AIRIM: variants seen among roughly 807,000 people sequenced by gnomAD.
AIRIM encodes AFG2 interacting ribosome maturation factor.
chr1:37,686,328 A>AG, the AIRIM span: 5 of 1,614,036 alleles, frequency 3.1e-6, no homozygotes, highest in Non-Finnish European at 4.2e-6. Flanking sequence ...TCAGCCACAG[A>AG]GGGGCTCACT....
the AIRIM span, chr1:37,681,932 A>G: frequency 6.6e-6 from 1 of 152,256 alleles, no homozygotes; most frequent in African/African-American, 2.4e-5. Context: ...TCTTTAAAAA[A>G]ATTTGTGAAT....
the AIRIM span, chr1:37,689,613 C>T: frequency 6.2e-7 from 1 of 1,604,086 alleles, no homozygotes; most frequent in Non-Finnish European, 8.5e-7. Flanking sequence ...TACAGCCTTT[C>T]CCCTAGCTTG....
the AIRIM span, chr1:37,686,597 GC>G: frequency 1.3e-6 from 1 of 763,782 alleles, no homozygotes; most frequent in Non-Finnish European, 2.1e-6. Flanking sequence ...GTAGGAGCAT[GC>G]CTGGCCCCTA....
chr1:37,689,538 C>T, the AIRIM span: 8 of 1,495,082 alleles, frequency 5.4e-6, no homozygotes, highest in Middle Eastern at 1.9e-4. Context: ...TGGACTGACA[C>T]TAGCTACATA....
At chr1:37,686,822 C>T in the AIRIM span, among the ~76,000 whole-genome samples, 2 of 152,082 alleles carry the variant, frequency 1.3e-5, no homozygotes, top group Admixed American at 6.5e-5. Flanking sequence ...GTAATCCCAG[C>T]TTTGGGAGGC....
the AIRIM span, chr1:37,683,103 T>A: frequency 1.2e-6 from 2 of 1,610,134 alleles, no homozygotes; most frequent in Non-Finnish European, 1.7e-6. Context: ...ACCCGTGGTC[T>A]CCAGATACGC....
the AIRIM span, chr1:37,690,266 T>C: frequency 7.7e-7 from 1 of 1,292,424 alleles, no homozygotes; most frequent in Non-Finnish European, 1.0e-6. Flanking sequence ...ATTACAGGCG[T>C]GAGCCACCGC....
At chr1:37,683,389 C>T in the AIRIM span, 3 of 1,614,048 alleles carry the variant, frequency 1.9e-6, no homozygotes, top group Non-Finnish European at 2.5e-6. Flanking sequence ...GTATGTTTGC[C>T]AAGTCTCCCC....
the AIRIM span, chr1:37,689,623 G>T: frequency 6.2e-7 from 1 of 1,610,228 alleles, no homozygotes; most frequent in African/African-American, 1.3e-5. Flanking sequence ...CCCCTAGCTT[G>T]TCCAGGACGA....
chr1:37,686,386 C>T, the AIRIM span: 1 of 1,614,188 alleles, frequency 6.2e-7, no homozygotes, highest in Non-Finnish European at 8.5e-7. Flanking sequence ...CTGCGTGTTG[C>T]TCATAGATCT....
At chr1:37,687,862 C>A in the AIRIM span, among the ~76,000 whole-genome samples, 2 of 152,042 alleles carry the variant, frequency 1.3e-5, no homozygotes, top group South Asian at 4.1e-4. Context: ...AGTGAGGCAC[C>A]GTACCTGGCC....
chr1:37,689,987 C>T, the AIRIM span: 2,976 of 1,445,142 alleles, frequency 2.1e-3, 36 homozygotes, highest in African/African-American at 0.032. Flanking sequence ...CGTGTTCAGA[C>T]AGGAGTTGTC....
chr1:37,687,769 T>C, the AIRIM span, among the ~76,000 whole-genome samples: 3 of 152,134 alleles, frequency 2.0e-5, no homozygotes, highest in Admixed American at 6.6e-5. Context: ...AAATATTAAG[T>C]AAAGCACTCA....
the AIRIM span, chr1:37,690,126 C>T: frequency 4.9e-6 from 6 of 1,227,598 alleles, no homozygotes; most frequent in South Asian, 9.0e-5. Context: ...AAGCAATTCT[C>T]CTGCCTCAGC....
chr1:37,681,822 G>C, the AIRIM span: 1 of 152,170 alleles, frequency 6.6e-6, no homozygotes, highest in Non-Finnish European at 1.5e-5. Flanking sequence ...GAATATAACT[G>C]TGTTGAGCTA....
the AIRIM span, chr1:37,683,544 C>T: frequency 7.5e-7 from 1 of 1,332,628 alleles, no homozygotes; most frequent in Non-Finnish European, 1.0e-6. Context: ...GTGCAGATAT[C>T]CTTACATTTT....
chr1:37,686,106 C>T, the AIRIM span, among the ~76,000 whole-genome samples: 2 of 152,034 alleles, frequency 1.3e-5, no homozygotes, highest in East Asian at 1.9e-4. Flanking sequence ...AGTAGCTACT[C>T]GATAAATTAT....
chr1:37,686,293 A>G, the AIRIM span: 1 of 1,613,730 alleles, frequency 6.2e-7, no homozygotes, highest in Non-Finnish European at 8.5e-7. Flanking sequence ...AATGTCTCTC[A>G]ATATCCTGCA....
the AIRIM span, chr1:37,686,395 C>G: frequency 1.9e-6 from 3 of 1,614,178 alleles, no homozygotes; most frequent in Non-Finnish European, 2.5e-6. Context: ...GCTCATAGAT[C>G]TGAAACACTC....
Sources: gnomAD v4.1 joint callset for allele counts (sites outside exome capture counted in the v4.1 genomes callset) on GRCh38, gnomAD v4.1.1 for gene constraint, MANE v1.5 for transcripts, NCBI Gene and HGNC (gene_info 2026-07-23, HGNC 2026-07-21) for gene names.